NRXN1: variants seen among roughly 807,000 people sequenced by gnomAD.
NRXN1 encodes neurexin-1.
A neutral mutation model predicts 150.9 loss-of-function variants in NRXN1; 39 were observed. That is an observed-to-expected ratio of 0.26 (90% confidence interval 0.20 to 0.34). The LOEUF is 0.34. Among genes scored for constraint, NRXN1 ranks in the 10% least tolerant of loss-of-function variants. The probability of loss-of-function intolerance (pLI) is 1.00; values close to 1 mark genes in which losing one functional copy is unlikely to be tolerated. For synonymous variants in NRXN1, 924 were observed against 757.0 expected (o/e 1.22, Z -3.62); for missense variants, 1,815 against 1,949.9 (o/e 0.93, Z 1.30).
intron 17 of NRXN1, among the ~76,000 whole-genome samples, chr2:50,354,580 TATATATAC>T (rs2078660205): frequency 7.0e-6 from 1 of 143,114 alleles, no homozygotes; most frequent in African/African-American, 2.6e-5. Context: ...TATATATATA[TATATATAC>T]ACACACACAC....
At chr2:50,574,601 C>T (rs1465122705) in intron 8 of NRXN1, among the ~76,000 whole-genome samples, 2 of 152,132 alleles carry the variant, frequency 1.3e-5, no homozygotes, top group Non-Finnish European at 2.9e-5. Flanking sequence ...CTAACGTCTA[C>T]CTAGGAGAGA....
chr2:50,125,332 CTGT>C (rs759445731), intron 18 of NRXN1, among the ~76,000 whole-genome samples: 10 of 151,046 alleles, frequency 6.6e-5, no homozygotes, highest in Non-Finnish European at 1.2e-4. Context: ...GTCGTTGTTG[CTGT>C]TGTTGTTGTT....
chr2:50,589,449 T>G (rs1001493704), intron 8 of NRXN1: 1 of 151,578 alleles, frequency 6.6e-6, no homozygotes, highest in African/African-American at 2.4e-5. Flanking sequence ...CTCCCCATCC[T>G]GGGCTCAAGT....
intron 19 of NRXN1, among the ~76,000 whole-genome samples, chr2:50,067,105 T>A (rs566017616): frequency 2.4e-4 from 36 of 152,242 alleles, no homozygotes; most frequent in African/African-American, 8.7e-4. Flanking sequence ...GGCTTTTATA[T>A]CCAGTTAAAC....
chr2:50,434,638 T>G (rs981165749), intron 17 of NRXN1, among the ~76,000 whole-genome samples: 89 of 152,150 alleles, frequency 5.8e-4, no homozygotes, highest in African/African-American at 2.1e-3. Context: ...TTCTTATCTG[T>G]GAAATATATT....
intron 5 of NRXN1, among the ~76,000 whole-genome samples, chr2:50,869,949 T>TTTGGGGAATGCAAAAGTTAATA (rs1354250536): frequency 6.6e-6 from 1 of 151,868 alleles, no homozygotes; most frequent in Non-Finnish European, 1.5e-5. Flanking sequence ...CCATGACAAG[T>TTTGGGGAATGCAAAAGTTAATA]TTGGGGAATG....
At chr2:50,190,267 A>G (rs1481793594) in intron 18 of NRXN1, among the ~76,000 whole-genome samples, 1 of 152,148 alleles carries the variant, frequency 6.6e-6, no homozygotes, top group African/African-American at 2.4e-5. Context: ...TTTTCTATAT[A>G]TGTATTTTTT....
At chr2:49,924,752 C>G (rs147756921) in intron 22 of NRXN1, among the ~76,000 whole-genome samples, 1 of 152,224 alleles carries the variant, frequency 6.6e-6, no homozygotes, top group Non-Finnish European at 1.5e-5. Flanking sequence ...TATCATGTTT[C>G]TTAAAAATAT....
At chr2:50,898,800 GT>G (rs1215285716) in intron 5 of NRXN1, among the ~76,000 whole-genome samples, 1 of 151,826 alleles carries the variant, frequency 6.6e-6, no homozygotes, top group African/African-American at 2.4e-5. Flanking sequence ...AATTAAAAGA[GT>G]AAATTATTTA....
At chr2:50,945,737 T>G (rs1378591165) in intron 2 of NRXN1, among the ~76,000 whole-genome samples, 2 of 151,494 alleles carry the variant, frequency 1.3e-5, no homozygotes, top group Non-Finnish European at 2.9e-5. Context: ...AAACCTGATG[T>G]GAAAACCTGA....
chr2:50,291,280 T>C (rs554946760), intron 17 of NRXN1, among the ~76,000 whole-genome samples: 6 of 152,136 alleles, frequency 3.9e-5, no homozygotes, highest in African/African-American at 1.4e-4. Context: ...ATTAAAGCAT[T>C]TCTCTTCCTC....
At chr2:50,882,620 G>C (rs1203419074) in intron 5 of NRXN1, among the ~76,000 whole-genome samples, 1 of 151,792 alleles carries the variant, frequency 6.6e-6, no homozygotes, top group Non-Finnish European at 1.5e-5. Flanking sequence ...CCAAGTTAAA[G>C]ACGAACCCAC....
intron 5 of NRXN1, among the ~76,000 whole-genome samples, chr2:50,678,944 G>A (rs922751799): frequency 1.3e-5 from 2 of 152,034 alleles, no homozygotes; most frequent in African/African-American, 4.8e-5. Context: ...GGACTGCACA[G>A]TGAAGCATTA....
chr2:50,102,133 C>T (rs766663712), intron 18 of NRXN1, among the ~76,000 whole-genome samples: 2 of 151,992 alleles, frequency 1.3e-5, no homozygotes, highest in Non-Finnish European at 2.9e-5. Flanking sequence ...AATCTATGTT[C>T]ATGTGTGTGA....
chr2:50,788,592 TGAGAGAGAGAGACA>T (rs1400483032), intron 5 of NRXN1, among the ~76,000 whole-genome samples: 5 of 151,406 alleles, frequency 3.3e-5, no homozygotes, highest in Admixed American at 2.0e-4. Context: ...CATGTGCGTG[TGAGAGAGAGAGACA>T]GAGAGAGAGA....
chr2:49,961,574 T>C (rs1327645556), intron 21 of NRXN1, among the ~76,000 whole-genome samples: 1 of 152,090 alleles, frequency 6.6e-6, no homozygotes, highest in African/African-American at 2.4e-5. Flanking sequence ...CTAACAAGAA[T>C]CTGCATTGAA....
At chr2:50,293,146 C>A (rs915841955) in intron 17 of NRXN1, among the ~76,000 whole-genome samples, 2 of 152,062 alleles carry the variant, frequency 1.3e-5, no homozygotes, top group African/African-American at 4.8e-5. Flanking sequence ...ATCTGATTCT[C>A]CACTGCCTTC....
At chr2:51,031,770 A>G (rs1671595421) in intron 1 of NRXN1, among the ~76,000 whole-genome samples, 1 of 151,996 alleles carries the variant, frequency 6.6e-6, no homozygotes, top group African/African-American at 2.4e-5. Context: ...TCAGCCTTTA[A>G]GTTACTACCC....
At chr2:50,586,255 T>C (rs1673077686) in intron 8 of NRXN1, among the ~76,000 whole-genome samples, 1 of 152,198 alleles carries the variant, frequency 6.6e-6, no homozygotes, top group Non-Finnish European at 1.5e-5. Context: ...AAGTTTTTGC[T>C]CACATGCCAC....
Sources: allele counts gnomAD v4.1 joint callset (sites outside exome capture counted in the v4.1 genomes callset), GRCh38; gene constraint gnomAD v4.1.1; transcripts MANE v1.5; gene names NCBI Gene and HGNC (gene_info 2026-07-23, HGNC 2026-07-21).